The following CCDC149 variants were observed in gnomAD, a reference collection of about 807,000 sequenced individuals.
CCDC149 encodes coiled-coil domain-containing protein 149.
In CCDC149, 45 loss-of-function variants were observed where a neutral mutation model predicts 59.9. The observed-to-expected ratio is 0.75, with a 90% CI of 0.59 to 0.96. CCDC149 has a LOEUF of 0.96. Ranked by LOEUF, CCDC149 falls within the 40% of genes least tolerant of loss-of-function variation. CCDC149 has a pLI of 0.00. For missense variants in CCDC149, 584 were observed against 664.7 expected, an observed-to-expected ratio of 0.88 and a Z score of 1.33; for synonymous variants, 245 against 260.6, an observed-to-expected ratio of 0.94 and a Z score of 0.58.
At chr4:24,817,052 C>T (rs7670129) in intron 12 of CCDC149, among the ~76,000 whole-genome samples, 6,298 of 152,208 alleles carry the variant, frequency 0.041, 468 homozygotes, top group African/African-American at 0.14. Context: ...TGTCAGAGGA[C>T]GGGGTAGGAA....
chr4:24,930,226 G>T (rs1288128386), intron 1 of CCDC149, among the ~76,000 whole-genome samples: 1 of 152,212 alleles, frequency 6.6e-6, no homozygotes, highest in Non-Finnish European at 1.5e-5. Context: ...CCCTCTGCCA[G>T]CTTGGTACAG....
At chr4:24,812,390 C>T (rs1263027758) in intron 12 of CCDC149, among the ~76,000 whole-genome samples, 5 of 152,186 alleles carry the variant, frequency 3.3e-5, no homozygotes, top group Admixed American at 1.3e-4. Context: ...TAATTCCTGC[C>T]TCTGAGTACA....
At chr4:24,809,599 T>C (rs61564987) in intron 12 of CCDC149, among the ~76,000 whole-genome samples, 10,736 of 152,278 alleles carry the variant, frequency 0.071, 1,266 homozygotes, top group African/African-American at 0.24. Context: ...GAGCCAGCTC[T>C]TAGTACCCGG....
intron 1 of CCDC149, among the ~76,000 whole-genome samples, chr4:24,907,889 G>A (rs1441557692): frequency 1.3e-5 from 2 of 152,136 alleles, no homozygotes; most frequent in African/African-American, 4.8e-5. Flanking sequence ...GTGGTCACCA[G>A]CAATCTTTGG....
chr4:24,835,598 C>G (rs1209009782), intron 7 of CCDC149, among the ~76,000 whole-genome samples: 1 of 152,110 alleles, frequency 6.6e-6, no homozygotes, highest in Non-Finnish European at 1.5e-5. Context: ...ATGAATGCAT[C>G]CACACATTTT....
In CCDC149 at chr4:24,837,118, T is replaced by C; in HGVS notation, c.662+110A>G. On this transcript the variant is annotated intron_variant, in intron 6 of 12. Transcript: ENST00000635206. The surrounding 1 kb of genome is among the most constrained non-coding windows in gnomAD (Gnocchi z 4.3). Reference sequence around the variant, plus strand: ...TTCGGGGGAGTGAGTTTCTTTTCACTTGTAAGGCAATTTTCTCCAAAATAA... The same window carrying C: ...TTCGGGGGAGTGAGTTTCTTTTCACCTGTAAGGCAATTTTCTCCAAAATAA... 2 of 1,069,606 alleles carry C rather than the reference T, an allele frequency of 1.9e-6. No individual in the cohort carries two copies. Among genetic ancestry groups the C allele is most frequent in the Non-Finnish European group, 2.7e-6 (2 of 749,764 alleles). The allele number at this position is 1,069,606 out of a possible 1,614,324, so 66.3% of individuals were successfully genotyped here.
chr4:24,885,580 G>A (rs1307413407), intron 1 of CCDC149, among the ~76,000 whole-genome samples: 2 of 152,182 alleles, frequency 1.3e-5, no homozygotes, highest in African/African-American at 2.4e-5. Context: ...ATCAGTGGGC[G>A]AGTGGGTCAC....
intron 4 of CCDC149, among the ~76,000 whole-genome samples, chr4:24,850,629 G>C (rs1717600002): frequency 6.6e-6 from 1 of 152,098 alleles, no homozygotes; most frequent in South Asian, 2.1e-4. Context: ...CAGATCATGG[G>C]GGCCTAGCAC....
At chr4:24,838,074 C>T (rs1021089751) in intron 5 of CCDC149, 82 bp downstream of exon 5, 65 of 1,098,604 alleles carry the variant, frequency 5.9e-5, no homozygotes, top group Admixed American at 1.2e-4. Context: ...CTCTGAGAAA[C>T]GAGGGGCACA....
intron 1 of CCDC149, chr4:24,979,966 T>G (rs1401376562): frequency 3.9e-5 from 6 of 152,174 alleles, no homozygotes; most frequent in Non-Finnish European, 7.4e-5. Context: ...AAGCAATAAA[T>G]TAAAAATAAT....
chr4:24,916,186 C>T (rs528053561), upstream of CCDC149, among the ~76,000 whole-genome samples: 9 of 152,204 alleles, frequency 5.9e-5, no homozygotes, highest in South Asian at 1.7e-3. Flanking sequence ...TCTCTAGGGA[C>T]CTAATTTTTC....
intron 12 of CCDC149, among the ~76,000 whole-genome samples, chr4:24,813,503 T>TATATATATATATATATAC (rs1553846378): frequency 6.6e-5 from 9 of 135,666 alleles, no homozygotes; most frequent in African/African-American, 2.6e-4. Flanking sequence ...TATATATATA[T>TATATATATATATATATAC]ATATATATAT....
intron 1 of CCDC149, among the ~76,000 whole-genome samples, chr4:24,901,325 T>C (rs899689004): frequency 1.7e-5 from 2 of 117,504 alleles, no homozygotes; most frequent in East Asian, 2.5e-4. Context: ...AGCCCCAGTA[T>C]GGTTTTACTG....
chr4:24,845,931 A>C (rs775808523), intron 4 of CCDC149, among the ~76,000 whole-genome samples: 7 of 152,244 alleles, frequency 4.6e-5, no homozygotes, highest in Admixed American at 3.3e-4. Context: ...AGAAGCTCTG[A>C]TTTATTTTCA....
intron 1 of CCDC149, among the ~76,000 whole-genome samples, chr4:24,902,093 AGTCAAGGGTTAG>A (rs1200826894): frequency 1.3e-5 from 2 of 152,216 alleles, no homozygotes; most frequent in Non-Finnish European, 2.9e-5. Flanking sequence ...GAGACAGGTA[AGTCAAGGGTTAG>A]GTTGAAAACT....
chr4:24,875,465 TTAAAA>T (rs1719356111), intron 2 of CCDC149, among the ~76,000 whole-genome samples: 1 of 152,214 alleles, frequency 6.6e-6, no homozygotes. Context: ...TTTATTATTT[TTAAAA>T]ATAAATTTGG....
intron 1 of CCDC149, among the ~76,000 whole-genome samples, chr4:24,965,810 A>G (rs4235322): frequency 0.75 from 114,805 of 152,150 alleles, 43,535 homozygotes; most frequent in African/African-American, 0.79. Context: ...AGTAGGCCGA[A>G]GCGGCCTTCT....
At chr4:24,882,097 AC>A (rs1719875734) in intron 1 of CCDC149, among the ~76,000 whole-genome samples, 1 of 152,198 alleles carries the variant, frequency 6.6e-6, no homozygotes, top group Non-Finnish European at 1.5e-5. Flanking sequence ...ACTTTTCTGG[AC>A]CTAGAACAAA....
At position 24,872,256 on chromosome 4, in the gene CCDC149, T is replaced by C. The variant is rs140399549; in HGVS notation, c.264+1425A>G. Among the ~76,000 whole-genome samples, 40 of 152,334 alleles carry C rather than the reference T, an allele frequency of 2.6e-4. 1 individual carries two copies. The East Asian group carries it at 6.7e-3, about 26-fold the overall frequency. On this transcript the variant is annotated intron_variant, in intron 3 of 12. Transcript: ENST00000635206. ...CCATTGGTTTGGTCAATAAACAGTG[T>C]TGGCCACCGTGCAGGAGAAAAGAAA... is the stretch of plus-strand genomic sequence containing the variant.
Sources: allele counts gnomAD v4.1 joint callset (sites outside exome capture counted in the v4.1 genomes callset), GRCh38; gene constraint gnomAD v4.1.1; non-coding constraint Gnocchi (gnomAD v3.1); transcripts MANE v1.5; gene names NCBI Gene and HGNC (gene_info 2026-07-23, HGNC 2026-07-21).